APC: variants seen among roughly 807,000 people sequenced by gnomAD.
APC encodes adenomatous polyposis coli protein.
Under a neutral mutation model 247.0 loss-of-function variants are expected in APC, and 72 were observed. The ratio of observed to expected loss-of-function variants is 0.29; its 90% CI spans 0.24 to 0.35. APC has a LOEUF of 0.35. Among genes scored for constraint, APC ranks in the 10% least tolerant of loss-of-function variants. The probability of loss-of-function intolerance (pLI) is 1.00; values close to 1 mark genes in which losing one functional copy is unlikely to be tolerated. For synonymous variants in APC, 1,254 were observed against 1,162.5 expected (o/e 1.08, Z -1.60); for missense variants, 3,400 against 3,360.7 (o/e 1.01, Z -0.29).
At chr5:112,714,028 A>G (rs543259444) in intron 1 of APC, among the ~76,000 whole-genome samples, 1 of 152,342 alleles carries the variant, frequency 6.6e-6, no homozygotes, top group South Asian at 2.1e-4. Flanking sequence ...ATTATGTAAA[A>G]TTAGAATATT....
At chr5:112,818,648 A>G (rs954597102) in intron 9 of APC, among the ~76,000 whole-genome samples, 1 of 152,134 alleles carries the variant, frequency 6.6e-6, no homozygotes, top group Non-Finnish European at 1.5e-5. Flanking sequence ...TAGTCAGTGG[A>G]TTAGCACCAA....
chr5:112,766,920 C>T (rs537750862), intron 3 of APC, among the ~76,000 whole-genome samples: 1 of 152,260 alleles, frequency 6.6e-6, no homozygotes, highest in Admixed American at 6.5e-5. Context: ...TGAAGCCAGA[C>T]AGAGAAATTA....
rs746973235 is a variant in APC, at chr5:112,754,857, CT to C, written c.-18-11del. Reference sequence around the variant, plus strand: ...TTTTTTAGTAGTGAATTTCAAAATCCTTTTTAACCTTATAGGTCCAAGGGTA... The same window carrying C: ...TTTTTTAGTAGTGAATTTCAAAATCCTTTTAACCTTATAGGTCCAAGGGTA... On this transcript the variant is annotated splice_polypyrimidine_tract_variant and intron_variant, in intron 1 of 15. Coordinates refer to ENST00000257430, the MANE Select transcript of APC (RefSeq NM_000038.6). 1.9e-6 allele frequency: 3 copies of C among 1,612,338 alleles called. No homozygotes were observed. The highest frequency in any genetic ancestry group is 3.3e-5 in the Admixed American group (2 of 59,922).
At chr5:112,818,851 G>GA (rs1762787298) in intron 9 of APC, 115 bp from the exon 10 acceptor site, 1 of 1,073,764 alleles carries the variant, frequency 9.3e-7, no homozygotes, top group Non-Finnish European at 1.4e-6. Context: ...TTTTGGCGGG[G>GA]GGGGTTGTTT....
Position 112,828,849 on chromosome 5 carries a change from T to C in APC, c.1627-7T>C. 1 of 1,577,846 alleles carries C rather than the reference T, an allele frequency of 6.3e-7. No homozygotes were observed. The highest frequency in any genetic ancestry group is 8.7e-7 in the Non-Finnish European group (1 of 1,147,354). On this transcript the variant is annotated splice_polypyrimidine_tract_variant and splice_region_variant and intron_variant, in intron 13 of 15. Transcript: ENST00000257430. ...TATAAATTAATCTAAAATTGATTAA[T>C]TTGCAGGTTATTGCGAGTGTTTTGA... is the stretch of plus-strand genomic sequence containing the variant.
At chr5:112,730,036 T>G (rs1050825122) in intron 1 of APC, among the ~76,000 whole-genome samples, 9 of 152,214 alleles carry the variant, frequency 5.9e-5, no homozygotes, top group Admixed American at 2.6e-4. Flanking sequence ...GTTATTTAAC[T>G]AAATTAACAT....
intron 3 of APC, 124 bp from the exon 4 acceptor site, chr5:112,767,065 C>G: frequency 1.1e-6 from 1 of 903,826 alleles, no homozygotes. Context: ...TTTTTGTTTT[C>G]AGTCATGTAT....
chr5:112,714,266 T>C (rs761500207), intron 1 of APC, among the ~76,000 whole-genome samples: 48 of 152,352 alleles, frequency 3.2e-4, no homozygotes, highest in Non-Finnish European at 5.7e-4. Flanking sequence ...GATACACTAA[T>C]GTCCTGTGAT....
chr5:112,780,442 A>T (rs1031155067), intron 5 of APC, among the ~76,000 whole-genome samples: 1 of 152,182 alleles, frequency 6.6e-6, no homozygotes, highest in Non-Finnish European at 1.5e-5. Flanking sequence ...GTATTTAATA[A>T]TTAAAAGTAG....
intron 7 of APC, among the ~76,000 whole-genome samples, chr5:112,801,052 G>C (rs1354066923): frequency 5.3e-5 from 8 of 152,074 alleles, no homozygotes; most frequent in Non-Finnish European, 7.4e-5. Context: ...AAAATCCTTT[G>C]TCTCGTGCAG....
Position 112,775,753 on chromosome 5 carries a change from G to A in APC, c.531+16G>A, listed in dbSNP as rs770126046. 40 of 1,372,952 alleles carry A rather than the reference G, an allele frequency of 2.9e-5. No homozygotes were observed. The highest frequency in any genetic ancestry group is 1.5e-4 in the Admixed American group (8 of 51,662). The allele number at this position is 1,372,952 out of a possible 1,614,324, so 85.0% of individuals were successfully genotyped here. A position where few individuals can be genotyped will look rare whatever the true frequency, so the allele number is the denominator to read the frequency against. On this transcript the variant is annotated intron_variant, in intron 5 of 15. Coordinates refer to ENST00000257430, the MANE Select transcript of APC (RefSeq NM_000038.6). ...AACTGAAAATGTAAGTAACTTGGCA[G>A]TACAACTTATTTGAAACTTTAATAA... is the stretch of plus-strand genomic sequence containing the variant.
Position 112,810,091 on chromosome 5 carries a change from A to T in APC, c.835-5404A>T, listed in dbSNP as rs758207700. The T allele has an allele frequency of 6.6e-6, 3 of 455,758 alleles. 1 individual carries two copies. Among genetic ancestry groups the T allele is most frequent in the South Asian group, 4.7e-5 (3 of 64,490 alleles). The allele number at this position is 455,758 out of a possible 1,614,324, so 28.2% of individuals were successfully genotyped here. A position where few individuals can be genotyped will look rare whatever the true frequency, so the allele number is the denominator to read the frequency against. On this transcript the variant is annotated intron_variant, in intron 8 of 15. Coordinates refer to ENST00000257430, the MANE Select transcript of APC (RefSeq NM_000038.6). ...AAAAGATCGTTAACTGATACAGACT[A>T]TAAGTTTGAGAGAAAATTTATTTCT...
chr5:112,837,437 G>A (rs1765054241), intron 15 of APC, 116 bp from the exon 16 acceptor site: 3 of 731,504 alleles, frequency 4.1e-6, no homozygotes, highest in Non-Finnish European at 6.9e-6. Flanking sequence ...GGAATACTTG[G>A]AATTTATAGG....
At chr5:112,801,450 G>T in intron 8 of APC, 67 bp downstream of exon 8, 5 of 1,180,510 alleles carry the variant, frequency 4.2e-6, no homozygotes, top group Non-Finnish European at 6.1e-6. Context: ...AAGCAAGATG[G>T]TTCTAAGAAT....
Position 112,707,537 on chromosome 5 carries a change from C to T in APC, c.-181C>T, listed in dbSNP as rs115658307. 1.9e-3 allele frequency: 984 copies of T among 506,692 alleles called. 9 individuals carry two copies. Among genetic ancestry groups the T allele is most frequent in the African/African-American group, 0.016 (856 of 52,014 alleles). The allele number at this position is 506,692 out of a possible 1,614,324, so 31.4% of individuals were successfully genotyped here. Reference sequence around the variant, plus strand: ...CCACCTCCCACAAGATGGCGGAGGGCAAGTAGCAAGGGGGCGGGGTGTGGC... The same window carrying T: ...CCACCTCCCACAAGATGGCGGAGGGTAAGTAGCAAGGGGGCGGGGTGTGGC... On this transcript the variant is annotated 5_prime_UTR_variant, in exon 1 of 14. Transcript: ENST00000507379.
At chr5:112,766,247 C>G in intron 2 of APC, 79 bp from the exon 3 acceptor site, 1 of 1,068,516 alleles carries the variant, frequency 9.4e-7, no homozygotes, top group Non-Finnish European at 1.4e-6. Flanking sequence ...TCTCAGCATA[C>G]TTAAATGTCA....
chr5:112,820,406 T>G (rs1762998186), intron 10 of APC, among the ~76,000 whole-genome samples: 1 of 152,064 alleles, frequency 6.6e-6, no homozygotes, highest in Non-Finnish European at 1.5e-5. Context: ...TGGCAGCACT[T>G]TGGGAGGCTG....
chr5:112,754,070 A>T (rs1356149770), intron 1 of APC, among the ~76,000 whole-genome samples: 1 of 152,152 alleles, frequency 6.6e-6, no homozygotes, highest in Non-Finnish European at 1.5e-5. Context: ...CCCAGTCATA[A>T]TAACTGCCAG....
intron 6 of APC, among the ~76,000 whole-genome samples, chr5:112,787,900 G>T (rs1042904297): frequency 2.6e-5 from 4 of 152,014 alleles, no homozygotes; most frequent in Admixed American, 6.5e-5. Context: ...GTGGAGGCAG[G>T]AATCTAACTT....
Sources: gnomAD v4.1 joint callset for allele counts (sites outside exome capture counted in the v4.1 genomes callset) on GRCh38, gnomAD v4.1.1 for gene constraint, MANE v1.5 for transcripts, NCBI Gene and HGNC (gene_info 2026-07-23, HGNC 2026-07-21) for gene names.